TRPM8: variants seen among roughly 807,000 people sequenced by gnomAD.
TRPM8 encodes TRPM8 cationic channel.
TRPM8 carries 110 observed loss-of-function variants against 133.7 expected under a neutral mutation model. That is an observed-to-expected ratio of 0.82 (90% CI 0.70 to 0.96). The LOEUF is 0.96. TRPM8 is among the 40% of genes least tolerant of loss of function. The probability of loss-of-function intolerance (pLI) is 0.00; values close to 1 mark genes in which losing one functional copy is unlikely to be tolerated. For missense variants in TRPM8, 1,291 were observed against 1,379.5 expected (o/e 0.94, Z 1.02); for synonymous variants, 535 against 532.3 (o/e 1.01, Z -0.07).
At chr2:233,960,085 T>C (rs531961739) in intron 11 of TRPM8, among the ~76,000 whole-genome samples, 1 of 152,232 alleles carries the variant, frequency 6.6e-6, no homozygotes, top group East Asian at 1.9e-4. Context: ...TAAGTTCCTA[T>C]GGGCTAAGTT....
rs1690836110 is a variant in TRPM8 at position 233,939,100 on chromosome 2, G to T, written c.451G>T (p.Gly151Cys). Reference sequence around the variant, plus strand: ...CAACCTGGTCATTTCTGTGACCGGGGGCGCCAAGAACTTCGCCCTGAAGCC... The same window carrying T: ...CAACCTGGTCATTTCTGTGACCGGGTGCGCCAAGAACTTCGCCCTGAAGCC... ...TPNLVISVTGGAKNFALKPRM... is the reference protein window; with the variant it reads ...TPNLVISVTGCAKNFALKPRM... Residue 151 changes from glycine (G) to cysteine (C), a missense_variant, in exon 5 of 26, where the codon GGC becomes TGC. This residue lies in a region of TRPM8 where 963 missense variants were observed against 968.9 expected (regional missense o/e 0.99). Transcript: ENST00000324695. The T allele has an allele frequency of 6.2e-7, 1 of 1,614,194 alleles. No homozygotes were observed.
chr2:233,978,198 A>AGTGTGTGTGTGT lies in TRPM8; in HGVS notation c.2356-1965_2356-1954dup, dbSNP rs59259744. Among the ~76,000 whole-genome samples, 526 of 146,086 alleles carry AGTGTGTGTGTGT rather than the reference A, an allele frequency of 3.6e-3. 3 individuals are homozygous for AGTGTGTGTGTGT. Among genetic ancestry groups the AGTGTGTGTGTGT allele is most frequent in the East Asian group, 0.016 (79 of 4,902 alleles). ...GTATTTCACAGAAATGGAATATTAT[A>AGTGTGTGTGTGT]GTGTGTGTGTGTGTGTGTGTGTGTG... On this transcript the variant is annotated intron_variant, in intron 17 of 25. Transcript: ENST00000324695.
At chr2:233,961,180 T>C in intron 12 of TRPM8, 114 bp downstream of exon 12, 4 of 1,056,032 alleles carry the variant, frequency 3.8e-6, no homozygotes, top group Non-Finnish European at 5.4e-6. Context: ...CTTAACACAC[T>C]GACAATGTTA....
chr2:233,988,008 G>T (rs1207908874), intron 21 of TRPM8, among the ~76,000 whole-genome samples: 3 of 150,398 alleles, frequency 2.0e-5, no homozygotes, highest in Non-Finnish European at 4.4e-5. Flanking sequence ...CCCAGTTTTG[G>T]GTATGTCTTT....
At chr2:233,948,206 A>G (rs373301872) in intron 8 of TRPM8, among the ~76,000 whole-genome samples, 1 of 152,334 alleles carries the variant, frequency 6.6e-6, no homozygotes, top group East Asian at 1.9e-4. Flanking sequence ...TTATGTAACA[A>G]TGGCTGTTTT....
rs764074033 is a variant in TRPM8, at chr2:233,983,240, C to G, written c.2761+16C>G. 1 of 1,613,940 alleles carries G rather than the reference C, an allele frequency of 6.2e-7. No individual in the cohort carries two copies. Among genetic ancestry groups the G allele is most frequent in the Non-Finnish European group, 8.5e-7 (1 of 1,179,914 alleles). ...GACGTGGATGGTAAGCCTGACTTGG[C>G]TCAGATGGAAACAGCTTGGAGGAGG... On this transcript the variant is annotated intron_variant, in intron 20 of 25. Transcript: ENST00000324695.
intron 12 of TRPM8, among the ~76,000 whole-genome samples, chr2:233,961,630 C>CTTTTTTTTT (rs57935574): frequency 9.0e-6 from 1 of 111,662 alleles, no homozygotes; most frequent in Non-Finnish European, 1.9e-5. Flanking sequence ...CTTTTCTTTT[C>CTTTTTTTTT]TTTTTTTTTT....
rs149800225 is a variant in TRPM8 at position 233,926,549 on chromosome 2, G to A, written c.12G>A (p.Arg4=). Residue 4 remains arginine, a synonymous_variant, in exon 2 of 26, where the codon CGG becomes CGA. Transcript: ENST00000324695. The stretch of plus-strand genomic sequence containing the variant: ...TCGTCACAGAAAAGATGTCCTTTCG[G>A]GCAGCCAGGCTCAGCATGAGGAACA... MSF[R]AARLSMRNRR... The A allele has an allele frequency of 2.3e-3, 3,716 of 1,613,948 alleles. 5 individuals are homozygous for A. The highest frequency in any genetic ancestry group is 2.8e-3 in the Non-Finnish European group (3,324 of 1,179,910).
chr2:233,938,957 A>G, intron 4 of TRPM8, 41 bp from the exon 5 acceptor site: 1 of 1,596,814 alleles, frequency 6.3e-7, no homozygotes, highest in Non-Finnish European at 8.6e-7. Flanking sequence ...ACCTCAGGAG[A>G]ACACAGGCCT....
chr2:233,958,603 T>C (rs894211067), intron 11 of TRPM8, among the ~76,000 whole-genome samples: 2 of 152,080 alleles, frequency 1.3e-5, no homozygotes, highest in African/African-American at 4.8e-5. Flanking sequence ...GAAAGGCCAT[T>C]GGATTTAGAA....
chr2:233,955,128 A>G lies in TRPM8; in HGVS notation c.1244-4A>G. ...GAGTTGAGTCTTTTCCTGCCCTCTCACAGCCTTCAGCACCAGTGAGCAAGA... is the reference window on the plus strand; with the variant it reads ...GAGTTGAGTCTTTTCCTGCCCTCTCGCAGCCTTCAGCACCAGTGAGCAAGA... On this transcript the variant is annotated splice_region_variant and splice_polypyrimidine_tract_variant and intron_variant, in intron 10 of 25. Coordinates refer to ENST00000324695, the MANE Select transcript of TRPM8 (RefSeq NM_024080.5). 1 of 1,611,974 alleles carries G rather than the reference A, an allele frequency of 6.2e-7. No individual in the cohort carries two copies. Among genetic ancestry groups the G allele is most frequent in the Non-Finnish European group, 8.5e-7 (1 of 1,178,268 alleles).
chr2:234,005,683 G>A (rs1470293658), intron 22 of TRPM8, among the ~76,000 whole-genome samples: 1 of 152,148 alleles, frequency 6.6e-6, no homozygotes, highest in African/African-American at 2.4e-5. Context: ...GGCCGAGGCA[G>A]GTAAACCACT....
rs770062037 is a variant in TRPM8, at chr2:234,014,582, T to C, written c.3285T>C (p.Leu1095=). 1 of 1,555,192 alleles carries C rather than the reference T, an allele frequency of 6.4e-7. No homozygotes were observed. Among genetic ancestry groups the C allele is most frequent in the Non-Finnish European group, 8.7e-7 (1 of 1,153,900 alleles). Residue 1095 remains leucine, a synonymous_variant, in exon 25 of 26, where the codon CTT becomes CTC. Coordinates refer to ENST00000324695, the MANE Select transcript of TRPM8 (RefSeq NM_024080.5). ...CCAAGCTTAATGATCTCAAGGGTCTTCTGAAAGAGATTGCTAATAAAATCA... is the reference window on the plus strand; with the variant it reads ...CCAAGCTTAATGATCTCAAGGGTCTCCTGAAAGAGATTGCTAATAAAATCA... ...LDTKLNDLKG[L]LKEIANKIK is the part of the protein sequence containing the mutation.
chr2:233,924,239 C>T (rs1201341829), intron 1 of TRPM8, among the ~76,000 whole-genome samples: 1 of 152,170 alleles, frequency 6.6e-6, no homozygotes, highest in African/African-American at 2.4e-5. Flanking sequence ...CCCATTGTTT[C>T]CAGGGAATTT....
intron 8 of TRPM8, chr2:233,947,367 C>G (rs1415393964): frequency 1.3e-6 from 2 of 1,529,048 alleles, no homozygotes; most frequent in Admixed American, 2.0e-5. Flanking sequence ...CATGAATAAC[C>G]TGTGTACTTA....
intron 11 of TRPM8, among the ~76,000 whole-genome samples, chr2:233,960,241 A>G (rs1012942181): frequency 2.0e-5 from 3 of 152,152 alleles, no homozygotes; most frequent in Non-Finnish European, 2.9e-5. Context: ...ATTCTATTTT[A>G]ACACCTGTAT....
chr2:233,951,459 G>A (rs1267556608), intron 9 of TRPM8, among the ~76,000 whole-genome samples: 2 of 152,098 alleles, frequency 1.3e-5, no homozygotes, highest in Non-Finnish European at 2.9e-5. Flanking sequence ...CCACTTCAGT[G>A]ACCTTCCTCT....
chr2:233,919,439 A>C (rs528521806), intron 1 of TRPM8, among the ~76,000 whole-genome samples: 1 of 152,092 alleles, frequency 6.6e-6, no homozygotes, highest in Non-Finnish European at 1.5e-5. Flanking sequence ...AAATTAGCTT[A>C]ATGTTTAAGA....
intron 21 of TRPM8, among the ~76,000 whole-genome samples, chr2:233,988,160 C>G (rs768414155): frequency 3.3e-5 from 5 of 152,114 alleles, no homozygotes; most frequent in Non-Finnish European, 5.9e-5. Context: ...CTCTGTCCCC[C>G]GGCAGGCCTC....
Sources: allele counts gnomAD v4.1 joint callset (sites outside exome capture counted in the v4.1 genomes callset), GRCh38; gene constraint gnomAD v4.1.1; regional missense constraint gnomAD v4.1.1; transcripts MANE v1.5; gene names NCBI Gene and HGNC (gene_info 2026-07-23, HGNC 2026-07-21).